The following GXYLT1 variants were observed in gnomAD, a reference collection of about 807,000 sequenced individuals.
The protein encoded by GXYLT1 is glucoside xylosyltransferase 1, also known as glycosyltransferase 8 domain containing 3.
A neutral mutation model predicts 54.0 loss-of-function variants in GXYLT1; 29 were observed. The observed-to-expected ratio is 0.54, with a 90% confidence interval of 0.40 to 0.73. GXYLT1 has a LOEUF of 0.73. Ranked by LOEUF, GXYLT1 falls within the 30% of genes least tolerant of loss-of-function variation. GXYLT1 has a pLI of 0.00. For synonymous variants in GXYLT1, 176 were observed against 204.1 expected (o/e 0.86, Z 1.17); for missense variants, 490 against 553.4 (o/e 0.89, Z 1.15).
intron 5 of GXYLT1, among the ~76,000 whole-genome samples, chr12:42,099,047 G>C (rs2065374665): frequency 6.6e-6 from 1 of 151,948 alleles, no homozygotes; most frequent in Non-Finnish European, 1.5e-5. Flanking sequence ...CCAGAGAGAG[G>C]CAAGTTAGGA....
intron 2 of GXYLT1, among the ~76,000 whole-genome samples, chr12:42,126,313 G>A (rs1255339300): frequency 6.6e-6 from 1 of 152,040 alleles, no homozygotes; most frequent in African/African-American, 2.4e-5. Context: ...GACCTCAGGC[G>A]ATCGGCACGC....
chr12:42,126,123 G>C (rs28599887), intron 2 of GXYLT1, among the ~76,000 whole-genome samples: 1 of 150,052 alleles, frequency 6.7e-6, no homozygotes, highest in African/African-American at 2.5e-5. Flanking sequence ...ACTCAGGCTG[G>C]AGTGCAGCGG....
chr12:42,102,767 G>A (rs2065397213), intron 5 of GXYLT1, among the ~76,000 whole-genome samples: 1 of 151,586 alleles, frequency 6.6e-6, no homozygotes, highest in Non-Finnish European at 1.5e-5. Flanking sequence ...ACCCTAATAG[G>A]GATTCAACAC....
chr12:42,116,416 A>C (rs1362072853), intron 3 of GXYLT1, among the ~76,000 whole-genome samples: 1 of 152,154 alleles, frequency 6.6e-6, no homozygotes, highest in African/African-American at 2.4e-5. Context: ...TCTACAATTA[A>C]CTCAAAACAA....
chr12:42,116,400 C>G (rs147502421), intron 3 of GXYLT1, among the ~76,000 whole-genome samples: 2,362 of 152,192 alleles, frequency 0.016, 65 homozygotes, highest in African/African-American at 0.054. Flanking sequence ...GGGCTAATAT[C>G]CAGAATCTAC....
intron 3 of GXYLT1, among the ~76,000 whole-genome samples, chr12:42,117,846 G>C (rs1306744481): frequency 6.6e-6 from 1 of 152,190 alleles, no homozygotes; most frequent in Non-Finnish European, 1.5e-5. Flanking sequence ...GTAACAGCTA[G>C]GCATGGTCAT....
rs987086547 is a variant in GXYLT1, at chr12:42,144,843, A to T, written c.-197T>A. Reference sequence around the variant, plus strand: ...GCAGTCGCGGCTCCGGAGCCGAAGGACTACCCGCCCGGAAGCCTGGACACC... The same window carrying T: ...GCAGTCGCGGCTCCGGAGCCGAAGGTCTACCCGCCCGGAAGCCTGGACACC... On this transcript the variant is annotated 5_prime_UTR_variant, in exon 1 of 8. Coordinates refer to ENST00000398675, the MANE Select transcript of GXYLT1 (RefSeq NM_173601.2). The T allele has an allele frequency of 8.9e-5, 32 of 360,616 alleles. 1 individual carries two copies. The highest frequency in any genetic ancestry group is 1.6e-4 in the Non-Finnish European group (32 of 201,764). 22.3% of individuals were successfully genotyped at this position (360,616 alleles called of 1,614,324 possible).
chr12:42,092,131 G>C (rs1483651067), intron 7 of GXYLT1, among the ~76,000 whole-genome samples: 9 of 152,190 alleles, frequency 5.9e-5, no homozygotes, highest in Admixed American at 5.9e-4. Flanking sequence ...ATGGATTATA[G>C]TGAAGTGTTT....
intron 4 of GXYLT1, among the ~76,000 whole-genome samples, chr12:42,107,230 C>T (rs1389715491): frequency 6.6e-6 from 1 of 152,170 alleles, no homozygotes; most frequent in Non-Finnish European, 1.5e-5. Context: ...GCTACTTCTT[C>T]CTGCAACTAA....
Position 42,083,477 on chromosome 12 carries a change from A to AC in GXYLT1, c.*4308dup, listed in dbSNP as rs925502484. 55 of 152,220 alleles carry AC rather than the reference A, an allele frequency of 3.6e-4. No homozygotes were observed. Among genetic ancestry groups the AC allele is most frequent in the Non-Finnish European group, 8.8e-5 (6 of 68,042 alleles). 9.4% of individuals were successfully genotyped at this position (152,220 alleles called of 1,614,324 possible). ...ACTGGCCCCACACCTGACATATTGC[A>AC]CCCCTACTTTTCTTCTCTACTCTAA... On this transcript the variant is annotated 3_prime_UTR_variant, in exon 8 of 8. Transcript: ENST00000398675.
chr12:42,107,154 G>A (rs558780222), intron 4 of GXYLT1, among the ~76,000 whole-genome samples: 14 of 152,274 alleles, frequency 9.2e-5, no homozygotes, highest in Admixed American at 3.3e-4. Context: ...ATAAATAGGT[G>A]AATCTAAACC....
Position 42,097,518 on chromosome 12 carries a change from A to G in GXYLT1, c.1085T>C (p.Ile362Thr), listed in dbSNP as rs758847983. The G allele has an allele frequency of 1.2e-6, 2 of 1,612,328 alleles. No individual in the cohort carries two copies. Among genetic ancestry groups the G allele is most frequent in the Admixed American group, 3.3e-5 (2 of 59,802 alleles). The change falls in exon 7 of 8, where the codon ATT becomes ACT. Residue 362 changes from isoleucine to threonine, a missense_variant. Ile to Thr is a moderately conservative substitution (Grantham distance 89, BLOSUM62 -1). Around this residue, in one of 2 missense-constraint regions of GXYLT1, gnomAD observed 342 missense variants for 342.6 expected, o/e 1.00. Coordinates refer to ENST00000398675, the MANE Select transcript of GXYLT1 (RefSeq NM_173601.2). ...CQEAEEGGIF[I>T]LHGNRGVYHD... ...GTAAACACCTCTGTTCCCATGAAGA[A>G]TAAAGATTCCTCCTTCTTCTGCTTC...
chr12:42,095,836 C>T (rs769633748), intron 7 of GXYLT1, among the ~76,000 whole-genome samples: 12 of 151,964 alleles, frequency 7.9e-5, no homozygotes, highest in Admixed American at 7.9e-4. Flanking sequence ...ACTGAAAGAT[C>T]GGAAAAAAAG....
At chr12:42,117,740 G>A (rs1467142494) in intron 3 of GXYLT1, among the ~76,000 whole-genome samples, 3 of 152,038 alleles carry the variant, frequency 2.0e-5, no homozygotes, top group Non-Finnish European at 4.4e-5. Context: ...ATGTTCTTCT[G>A]CCTCTATCTG....
At chr12:42,139,028 ACT>A (rs2065637001) in intron 1 of GXYLT1, among the ~76,000 whole-genome samples, 2 of 146,904 alleles carry the variant, frequency 1.4e-5, no homozygotes, top group African/African-American at 2.5e-5. Flanking sequence ...ATGGAGCGAG[ACT>A]CTGTCTCAAA....
intron 2 of GXYLT1, among the ~76,000 whole-genome samples, 191 bp downstream of exon 2, chr12:42,129,568 G>C (rs2065582531): frequency 6.6e-6 from 1 of 151,944 alleles, no homozygotes; most frequent in African/African-American, 2.4e-5. Flanking sequence ...AAAATTTAAA[G>C]CATTTATACA....
intron 2 of GXYLT1, 22 bp from the exon 3 acceptor site, chr12:42,119,193 T>A: frequency 2.0e-6 from 3 of 1,500,378 alleles, no homozygotes; most frequent in African/African-American, 1.4e-5. Context: ...GAAAACCACA[T>A]TTTTCAACAG....
intron 5 of GXYLT1, among the ~76,000 whole-genome samples, chr12:42,099,451 C>G (rs983313193): frequency 1.3e-5 from 2 of 152,150 alleles, no homozygotes; most frequent in African/African-American, 2.4e-5. Context: ...ATATGTCACG[C>G]AAATAATAAT....
chr12:42,100,253 T>A (rs550004454), intron 5 of GXYLT1, among the ~76,000 whole-genome samples: 1 of 152,206 alleles, frequency 6.6e-6, no homozygotes, highest in Non-Finnish European at 1.5e-5. Flanking sequence ...GCAGTTCACA[T>A]AGTGTGCTAC....
Sources: allele counts gnomAD v4.1 joint callset (sites outside exome capture counted in the v4.1 genomes callset), GRCh38; gene constraint gnomAD v4.1.1; regional missense constraint gnomAD v4.1.1; transcripts MANE v1.5; gene names NCBI Gene and HGNC (gene_info 2026-07-23, HGNC 2026-07-21).